Variants in FGD3 observed in about 807,000 individuals in gnomAD.
FGD3 encodes FYVE, RhoGEF and PH domain containing 3, also known as FYVE, RhoGEF and PH domain-containing protein 3.
In FGD3, 45 loss-of-function variants were observed where a neutral mutation model predicts 71.8. The observed-to-expected ratio is 0.63, with a 90% CI of 0.49 to 0.80. FGD3 has a LOEUF of 0.80. Among genes scored for constraint, FGD3 ranks in the 30% least tolerant of loss-of-function variants. The probability of loss-of-function intolerance (pLI) is 0.00; values close to 1 mark genes in which losing one functional copy is unlikely to be tolerated. For synonymous variants in FGD3, 378 were observed against 392.8 expected (o/e 0.96, Z 0.44); for missense variants, 844 against 951.5 (o/e 0.89, Z 1.49).
intron 9 of FGD3, 104 bp downstream of exon 9, chr9:93,014,102 T>C: frequency 7.2e-7 from 1 of 1,392,552 alleles, no homozygotes; most frequent in Non-Finnish European, 9.5e-7. Flanking sequence ...ACATGGCTCT[T>C]CTGTGGCCTC....
chr9:92,984,985 C>T (rs1308988536), intron 3 of FGD3, among the ~76,000 whole-genome samples: 2 of 152,128 alleles, frequency 1.3e-5, no homozygotes, highest in African/African-American at 4.8e-5. Context: ...CTGCTAGTGC[C>T]AATGTCTGAT....
In FGD3 at chr9:92,988,506, G is replaced by GCCCCTGCT. The variant is rs1194586340; in HGVS notation, c.453+11807_453+11814dup. On this transcript the variant is annotated intron_variant, in intron 3 of 17. Transcript: ENST00000375482. Reference sequence around the variant, plus strand: ...CACCTGATATTCCTGGTGTGGCGGGGCCCCTGCTCCCCTGCTCATGTCTGC... The same window carrying GCCCCTGCT: ...CACCTGATATTCCTGGTGTGGCGGGGCCCCTGCTCCCCTGCTCCCCTGCTCATGTCTGC... Among the ~76,000 whole-genome samples, 169 of 152,264 alleles carry GCCCCTGCT rather than the reference G, an allele frequency of 1.1e-3. 1 individual carries two copies. The highest frequency in any genetic ancestry group is 3.8e-3 in the African/African-American group (158 of 41,538).
At chr9:92,985,593 C>T (rs112256091) in intron 3 of FGD3, among the ~76,000 whole-genome samples, 76 of 152,298 alleles carry the variant, frequency 5.0e-4, no homozygotes, top group African/African-American at 1.7e-3. Context: ...ATTCTCCTGC[C>T]TCAGCCTCCC....
intron 14 of FGD3, 125 bp downstream of exon 14, chr9:93,022,514 G>C: frequency 2.1e-6 from 2 of 973,070 alleles, no homozygotes; most frequent in Non-Finnish European, 3.0e-6. Context: ...GGAGGGCTGA[G>C]GGGCCAGTCT....
chr9:92,974,119 G>A (rs1859635048), intron 1 of FGD3, among the ~76,000 whole-genome samples: 1 of 152,172 alleles, frequency 6.6e-6, no homozygotes, highest in South Asian at 2.1e-4. Flanking sequence ...TGTTCCAGGT[G>A]AGAGTAAATC....
At chr9:92,947,952 G>A (rs1464814534) in intron 1 of FGD3, among the ~76,000 whole-genome samples, 1 of 152,130 alleles carries the variant, frequency 6.6e-6, no homozygotes, top group Non-Finnish European at 1.5e-5. Flanking sequence ...GCCCAGTGGA[G>A]ACTGAGCTGA....
At chr9:93,024,437 A>T (rs1862045456) in intron 14 of FGD3, among the ~76,000 whole-genome samples, 1 of 152,200 alleles carries the variant, frequency 6.6e-6, no homozygotes, top group Non-Finnish European at 1.5e-5. Context: ...CACACAGCTC[A>T]CATAAGGTAT....
intron 11 of FGD3, 97 bp from the exon 12 acceptor site, chr9:93,019,734 G>A: frequency 8.5e-7 from 1 of 1,171,978 alleles, no homozygotes; most frequent in Non-Finnish European, 1.3e-6. Flanking sequence ...TGACAAGCCA[G>A]TGCGTGGCTC....
At chr9:92,954,854 G>T (rs748392601) in intron 1 of FGD3, among the ~76,000 whole-genome samples, 1 of 152,162 alleles carries the variant, frequency 6.6e-6, no homozygotes, top group Non-Finnish European at 1.5e-5. Flanking sequence ...GAGTATCGTG[G>T]CCTTGACATT....
At chr9:92,999,128 G>A (rs985504455) in intron 3 of FGD3, among the ~76,000 whole-genome samples, 16 of 152,310 alleles carry the variant, frequency 1.1e-4, no homozygotes, top group African/African-American at 3.6e-4. Flanking sequence ...CACTCAGTTC[G>A]AGTTTCCCGG....
chr9:93,025,215 G>A (rs1430777080), intron 14 of FGD3, among the ~76,000 whole-genome samples: 1 of 152,232 alleles, frequency 6.6e-6, no homozygotes, highest in African/African-American at 2.4e-5. Context: ...AGCAGCCTGG[G>A]GAGCCAGGTA....
rs369679291 is a variant in FGD3, at chr9:93,028,200, ACACACACACACACACACG to A, written c.1558-1656_1558-1639del. On this transcript the variant is annotated intron_variant, in intron 14 of 17. Coordinates refer to ENST00000375482, the MANE Select transcript of FGD3 (RefSeq NM_001083536.2). ...TGGCCCCTCAGCCCCTAGCCCCGAC[ACACACACACACACACACG>A]CACACACACACACACACACCCCAAT... Among the ~76,000 whole-genome samples, 194 of 72,624 alleles carry A rather than the reference ACACACACACACACACACG, an allele frequency of 2.7e-3. 1 individual carries two copies. The highest frequency in any genetic ancestry group is 2.2e-3 in the Admixed American group (17 of 7,846). The allele number at this position is 72,624 out of a possible 152,430, so 47.6% of individuals were successfully genotyped here.
intron 1 of FGD3, among the ~76,000 whole-genome samples, chr9:92,968,790 T>A (rs959545540): frequency 1.3e-4 from 19 of 151,986 alleles, no homozygotes; most frequent in African/African-American, 4.1e-4. Context: ...TTAGTAGAGA[T>A]GGGGTTTCAC....
At chr9:93,031,041 A>G (rs1224328029) in intron 15 of FGD3, among the ~76,000 whole-genome samples, 3 of 151,444 alleles carry the variant, frequency 2.0e-5, no homozygotes, top group East Asian at 3.9e-4. Context: ...TGGATGGATG[A>G]ATGAATGAGT....
At position 93,015,679 on chromosome 9, in the gene FGD3, G is replaced by T; in HGVS notation, c.1183-58G>T. On this transcript the variant is annotated intron_variant, in intron 9 of 17. Coordinates refer to ENST00000375482, the MANE Select transcript of FGD3 (RefSeq NM_001083536.2). ...GATCCCATGTGAGAAGCTCACTGGG[G>T]CCCCTGGGGGGACCTGCGGGCAGCT... is the stretch of plus-strand genomic sequence containing the variant. The T allele has an allele frequency of 2.9e-6, 4 of 1,392,346 alleles. No homozygotes were observed. In the East Asian group the frequency reaches 6.9e-5, roughly 24 times the overall value. 86.2% of individuals were successfully genotyped at this position (1,392,346 alleles called of 1,614,324 possible). A position where few individuals can be genotyped will look rare whatever the true frequency, so the allele number is the denominator to read the frequency against.
At position 93,003,991 on chromosome 9, in the gene FGD3, C is replaced by G. The variant is rs1190754244; in HGVS notation, c.544-10C>G. 2 of 1,614,000 alleles carry G rather than the reference C, an allele frequency of 1.2e-6. No homozygotes were observed. Among genetic ancestry groups the G allele is most frequent in the African/African-American group, 1.3e-5 (1 of 75,062 alleles). The stretch of plus-strand genomic sequence containing the variant: ...GCTCACTGGCCACACGTGGGCTTCT[C>G]TATGCTCAGGTTTTCTGCACCAGGC... On this transcript the variant is annotated splice_polypyrimidine_tract_variant and intron_variant, in intron 4 of 17. Transcript: ENST00000375482. The surrounding 1 kb of genome is among the most constrained non-coding windows in gnomAD (Gnocchi z 4.1).
chr9:93,015,483 A>T (rs1466891226), intron 9 of FGD3, among the ~76,000 whole-genome samples: 3 of 152,064 alleles, frequency 2.0e-5, no homozygotes, highest in African/African-American at 4.8e-5. Flanking sequence ...GTTTTTTTTT[A>T]AATTATACAA....
At chr9:92,991,266 G>A (rs1222349424) in intron 3 of FGD3, among the ~76,000 whole-genome samples, 1 of 151,976 alleles carries the variant, frequency 6.6e-6, no homozygotes, top group East Asian at 1.9e-4. Context: ...TTTTTGTAGA[G>A]ATGGGTTTCA....
At chr9:93,027,564 A>G (rs571558092) in intron 14 of FGD3, among the ~76,000 whole-genome samples, 1 of 152,072 alleles carries the variant, frequency 6.6e-6, no homozygotes, top group African/African-American at 2.4e-5. Flanking sequence ...ATATAGTCAC[A>G]TTCAGAGTTA....
Sources: allele counts gnomAD v4.1 joint callset (sites outside exome capture counted in the v4.1 genomes callset), GRCh38; gene constraint gnomAD v4.1.1; non-coding constraint Gnocchi (gnomAD v3.1); transcripts MANE v1.5; gene names NCBI Gene and HGNC (gene_info 2026-07-23, HGNC 2026-07-21).